Variants in ARHGAP22 observed in about 807,000 individuals in gnomAD.
ARHGAP22 encodes rho GTPase-activating protein 22.
In ARHGAP22, 48 loss-of-function variants were observed where a neutral mutation model predicts 59.1. The observed-to-expected ratio is 0.81, with a 90% CI of 0.64 to 1.03. ARHGAP22 has a LOEUF of 1.03. Among genes scored for constraint, ARHGAP22 ranks in the 50% least tolerant of loss-of-function variants. The pLI is 0.00. For missense variants in ARHGAP22, 1,015 were observed against 958.7 expected (o/e 1.06, Z -0.78); for synonymous variants, 445 against 416.4 (o/e 1.07, Z -0.84).
the ARHGAP22 span, chr10:48,437,809 A>G: frequency 6.6e-6 from 1 of 152,406 alleles, no homozygotes; most frequent in South Asian, 2.1e-4. Context: ...AGAAGCCTAC[A>G]CACAACCCCC....
chr10:48,601,258 TGAAG>T (rs2060363035), intron 1 of ARHGAP22, among the ~76,000 whole-genome samples: 7 of 152,188 alleles, frequency 4.6e-5, no homozygotes. Flanking sequence ...TGAGTGTCCC[TGAAG>T]GGCAGAATCT....
At chr10:48,430,971 G>A in the ARHGAP22 span, 30 of 556,550 alleles carry the variant, frequency 5.4e-5, no homozygotes, top group Non-Finnish European at 8.9e-5. Flanking sequence ...GTGAATTACA[G>A]GAAAGATTAG....
intron 1 of ARHGAP22, among the ~76,000 whole-genome samples, chr10:48,588,825 C>A (rs992596430): frequency 6.6e-6 from 1 of 152,198 alleles, no homozygotes; most frequent in Non-Finnish European, 1.5e-5. Context: ...CCTTGTGGGG[C>A]AGGCAAAGGC....
rs1243750508 is a variant in ARHGAP22, at chr10:48,450,621, C to A, written c.1508G>T (p.Gly503Val). The change falls in exon 9 of 10, where the codon GGC becomes GTC. Residue 503 changes from glycine (G) to valine (V), a missense_variant. Physicochemically the swap from Gly to Val is moderately radical, Grantham distance 109. Coordinates refer to ENST00000249601, the MANE Select transcript of ARHGAP22 (RefSeq NM_021226.4). ...DNVPAPGLVP[G>V]IPSVASMAWS... ...CGCCATACTGGCCACGCTGGGTATG[C>A]CGGGGACCAGGCCCGGCGCGGGCAC... The A allele has an allele frequency of 5.2e-6, 8 of 1,548,734 alleles. No individual in the cohort carries two copies. The highest frequency in any genetic ancestry group is 5.2e-6 in the Non-Finnish European group (6 of 1,146,866).
At chr10:48,562,234 A>G (rs2057737097) in intron 2 of ARHGAP22, among the ~76,000 whole-genome samples, 2 of 151,498 alleles carry the variant, frequency 1.3e-5, no homozygotes, top group African/African-American at 4.9e-5. Flanking sequence ...TCAAAAAAAA[A>G]AAAGAAAAAA....
intron 1 of ARHGAP22, among the ~76,000 whole-genome samples, chr10:48,587,755 TACA>T (rs145759229): frequency 0.075 from 11,376 of 152,288 alleles, 454 homozygotes; most frequent in Middle Eastern, 0.11. Context: ...TGTCTTCTAT[TACA>T]ACAAGGCCTG....
intron 3 of ARHGAP22, among the ~76,000 whole-genome samples, chr10:48,493,826 TG>T (rs2050658989): frequency 6.6e-6 from 1 of 152,126 alleles, no homozygotes; most frequent in Non-Finnish European, 1.5e-5. Context: ...CTCCCTGAGG[TG>T]GGGGGAGTGT....
chr10:48,441,712 A>G (rs1194436719), downstream of ARHGAP22, among the ~76,000 whole-genome samples: 1 of 152,166 alleles, frequency 6.6e-6, no homozygotes, highest in East Asian at 1.9e-4. Flanking sequence ...TCAGCCTCCC[A>G]AAGTGCTGGG....
At chr10:48,479,887 C>A (rs764255559) in intron 3 of ARHGAP22, 123 bp from the exon 4 acceptor site, 44 of 967,138 alleles carry the variant, frequency 4.5e-5, no homozygotes, top group Admixed American at 9.5e-5. Flanking sequence ...AACAGCTGAG[C>A]TTTGCTTTTA....
At chr10:48,491,209 C>T (rs1382882026) in intron 3 of ARHGAP22, among the ~76,000 whole-genome samples, 3 of 152,190 alleles carry the variant, frequency 2.0e-5, no homozygotes, top group South Asian at 2.1e-4. Context: ...ACTCCTGCGA[C>T]GTCATCTCTG....
chr10:48,551,063 C>CTGCA (rs1336246843), intron 3 of ARHGAP22, among the ~76,000 whole-genome samples: 2 of 152,214 alleles, frequency 1.3e-5, no homozygotes, highest in Non-Finnish European at 2.9e-5. Flanking sequence ...CTTCCCTGAA[C>CTGCA]TGCACCCTGG....
chr10:48,643,761 A>AT (rs1396871982), intron 1 of ARHGAP22, among the ~76,000 whole-genome samples: 1,543 of 144,518 alleles, frequency 0.011, 28 homozygotes, highest in African/African-American at 0.037. Flanking sequence ...TTAAAAAAAA[A>AT]AAAATATATA....
In ARHGAP22 at chr10:48,582,984, T is replaced by C; in HGVS notation, c.203A>G (p.Tyr68Cys). The change falls in exon 2 of 10, where the codon TAC becomes TGC. Residue 68 changes from tyrosine (Y) to cysteine (C), a missense_variant. Tyr to Cys is a radical substitution (Grantham distance 194). Coordinates refer to ENST00000249601, the MANE Select transcript of ARHGAP22 (RefSeq NM_021226.4). ...CTTGATCTCATCTTTGTCCTTGTAG[T>C]AGAAAAGCTGATCCCCACGCAGCAC... ...WFVLRGDQLF[Y>C]YKDKDEIKPQ... 1.9e-6 allele frequency: 3 copies of C among 1,614,240 alleles called. No homozygotes were observed. The highest frequency in any genetic ancestry group is 2.5e-6 in the Non-Finnish European group (3 of 1,180,042).
At chr10:48,458,790 A>G (rs879448882) in intron 5 of ARHGAP22, among the ~76,000 whole-genome samples, 5 of 152,180 alleles carry the variant, frequency 3.3e-5, no homozygotes, top group Non-Finnish European at 5.9e-5. Context: ...CTCCAGAGGA[A>G]GGGTCCCCCG....
chr10:48,486,899 C>G (rs2134165660), intron 3 of ARHGAP22, among the ~76,000 whole-genome samples: 1 of 152,324 alleles, frequency 6.6e-6, no homozygotes, highest in Admixed American at 6.5e-5. Context: ...TCTTTCACAA[C>G]TGTTAAGATG....
chr10:48,601,527 GTTAT>G (rs2060382912), intron 1 of ARHGAP22, among the ~76,000 whole-genome samples: 1 of 152,034 alleles, frequency 6.6e-6, no homozygotes, highest in Non-Finnish European at 1.5e-5. Flanking sequence ...CCTTTTAAGT[GTTAT>G]TTATTAACTT....
At chr10:48,472,246 G>A (rs963489491) in intron 4 of ARHGAP22, among the ~76,000 whole-genome samples, 7 of 149,546 alleles carry the variant, frequency 4.7e-5, no homozygotes, top group Admixed American at 3.3e-4. Context: ...AACAGCGGCT[G>A]GGTGTGGTGG....
At chr10:48,605,627 G>A (rs2060641386), upstream of ARHGAP22, among the ~76,000 whole-genome samples, 1 of 152,106 alleles carries the variant, frequency 6.6e-6, no homozygotes, top group Non-Finnish European at 1.5e-5. Context: ...ATTTTAAAGG[G>A]TGTATACTGG....
chr10:48,441,491 A>G (rs1419669243), downstream of ARHGAP22, among the ~76,000 whole-genome samples: 2 of 145,904 alleles, frequency 1.4e-5, no homozygotes, highest in Non-Finnish European at 3.0e-5. Context: ...TCGCTCTGTC[A>G]CCCAGGCTGG....
Sources: allele counts gnomAD v4.1 joint callset (sites outside exome capture counted in the v4.1 genomes callset), GRCh38; gene constraint gnomAD v4.1.1; transcripts MANE v1.5; gene names NCBI Gene and HGNC (gene_info 2026-07-23, HGNC 2026-07-21).